The following ZNF516 variants were observed in gnomAD, a reference collection of about 807,000 sequenced individuals.
ZNF516 encodes the protein zinc finger protein 516.
A neutral mutation model predicts 79.7 loss-of-function variants in ZNF516; 19 were observed. The ratio of observed to expected loss-of-function variants is 0.24; its 90% CI spans 0.17 to 0.35. ZNF516 has a LOEUF of 0.35. Ranked by LOEUF, ZNF516 falls within the 10% of genes least tolerant of loss-of-function variation. The pLI is 1.00. For synonymous variants in ZNF516, 877 were observed against 739.5 expected, an observed-to-expected ratio of 1.19 and a Z score of -3.02; for missense variants, 1,678 against 1,679.5, an observed-to-expected ratio of 1.00 and a Z score of 0.02.
intron 3 of ZNF516, 27 bp from the exon 4 acceptor site, chr18:76,380,330 A>C: frequency 6.2e-7 from 1 of 1,603,990 alleles, no homozygotes; most frequent in East Asian, 2.2e-5. Flanking sequence ...ATGAAACGGG[A>C]AGTTACCATT....
At chr18:76,404,786 T>A (rs1405991442) in intron 3 of ZNF516, among the ~76,000 whole-genome samples, 1 of 152,150 alleles carries the variant, frequency 6.6e-6, no homozygotes, top group African/African-American at 2.4e-5. Context: ...AGTACATGTG[T>A]GAGCATATGT....
At position 76,470,910 on chromosome 18, in the gene ZNF516, G is replaced by A. The variant is rs555711944; in HGVS notation, c.-271-7769C>T. Among the ~76,000 whole-genome samples, 6 of 152,212 alleles carry A rather than the reference G, an allele frequency of 3.9e-5. 1 individual carries two copies. In the East Asian group the frequency reaches 7.7e-4, roughly 20 times the overall value. On this transcript the variant is annotated intron_variant, in intron 1 of 6. Coordinates refer to ENST00000443185, the MANE Select transcript of ZNF516 (RefSeq NM_014643.4). ...CAGGCGCCCGTAGTCCCAGCTACTCGGGAGCCTGAGAAAAAGAAAAAAGAA... is the reference window on the plus strand; with the variant it reads ...CAGGCGCCCGTAGTCCCAGCTACTCAGGAGCCTGAGAAAAAGAAAAAAGAA...
At chr18:76,462,759 T>A (rs1340501915) in intron 2 of ZNF516, among the ~76,000 whole-genome samples, 3 of 152,204 alleles carry the variant, frequency 2.0e-5, no homozygotes, top group African/African-American at 7.2e-5. Context: ...ACGATCAGCT[T>A]ACACTGGCTG....
chr18:76,415,505 G>A (rs2075422205), intron 3 of ZNF516, among the ~76,000 whole-genome samples: 1 of 152,196 alleles, frequency 6.6e-6, no homozygotes, highest in Non-Finnish European at 1.5e-5. Flanking sequence ...TCAAGGGGGT[G>A]CAAAGAGGGC....
At chr18:76,455,112 C>G (rs983743623) in intron 2 of ZNF516, among the ~76,000 whole-genome samples, 4 of 152,030 alleles carry the variant, frequency 2.6e-5, no homozygotes, top group Non-Finnish European at 5.9e-5. Context: ...GAAAGCTGTC[C>G]TAAGTCAAAC....
At position 76,379,107 on chromosome 18, in the gene ZNF516, G is replaced by T; in HGVS notation, c.3007C>A (p.Pro1003Thr). Residue 1003 changes from proline to threonine, a missense_variant, in exon 4 of 7, where the codon CCC becomes ACC. This residue lies in a region of ZNF516 where 1,294 missense variants were observed against 1,248.3 expected (regional missense o/e 1.04). Coordinates refer to ENST00000443185, the MANE Select transcript of ZNF516 (RefSeq NM_014643.4). ...CTCAGCTCCTGGGCTGCCTTCGAGG[G>T]GGGCTCGCGGGGAGGTAGAGGAGGA... ...GAPPLPPREP[P>T]SKAAQELRTL... 1.2e-6 allele frequency: 2 copies of T among 1,611,772 alleles called. No individual in the cohort carries two copies. Among genetic ancestry groups the T allele is most frequent in the Non-Finnish European group, 1.7e-6 (2 of 1,179,670 alleles).
At chr18:76,483,710 T>A (rs1261962592) in intron 1 of ZNF516, among the ~76,000 whole-genome samples, 2 of 152,198 alleles carry the variant, frequency 1.3e-5, no homozygotes. Context: ...ATATCCCACG[T>A]TGGTCACTTA....
intron 1 of ZNF516, among the ~76,000 whole-genome samples, chr18:76,479,070 T>C (rs1914343717): frequency 6.6e-6 from 1 of 150,920 alleles, no homozygotes; most frequent in Non-Finnish European, 1.5e-5. Context: ...AAAAAAAAGA[T>C]CCACTGGGGA....
At chr18:76,370,685 C>A in intron 5 of ZNF516, 90 bp from the exon 6 acceptor site, 1 of 1,082,018 alleles carries the variant, frequency 9.2e-7, no homozygotes, top group Admixed American at 3.5e-5. Flanking sequence ...AGTACTTCCA[C>A]AAAAAAAGAC....
In ZNF516 at chr18:76,366,586, C is replaced by T. The variant is rs553793102; in HGVS notation, c.3432+3942G>A. Among the ~76,000 whole-genome samples the T allele has an allele frequency of 2.6e-5, 4 of 152,352 alleles. No homozygotes were observed. The East Asian group carries it at 5.8e-4, about 22-fold the overall frequency. On this transcript the variant is annotated intron_variant, in intron 6 of 6. Coordinates refer to ENST00000443185, the MANE Select transcript of ZNF516 (RefSeq NM_014643.4). ...GCCATCAAACTGAGTTCATAAGCAA[C>T]ATCTACCAACTGGCTTATCAATGAC...
intron 1 of ZNF516, among the ~76,000 whole-genome samples, chr18:76,465,528 C>T (rs1450961326): frequency 6.6e-6 from 1 of 152,194 alleles, no homozygotes; most frequent in African/African-American, 2.4e-5. Flanking sequence ...AGGGAAGAAA[C>T]TTTATACCTT....
chr18:76,446,079 C>T (rs1912031753), intron 2 of ZNF516, among the ~76,000 whole-genome samples: 1 of 141,898 alleles, frequency 7.0e-6, no homozygotes, highest in Non-Finnish European at 1.6e-5. Flanking sequence ...GGTCCCAGCC[C>T]TCATGCTCCC....
At chr18:76,487,319 T>C (rs1385894109) in intron 1 of ZNF516, among the ~76,000 whole-genome samples, 2 of 152,200 alleles carry the variant, frequency 1.3e-5, no homozygotes, top group African/African-American at 4.8e-5. Context: ...AAACAGACAG[T>C]TGCAACTGCT....
At chr18:76,474,487 C>A (rs1401837207) in intron 1 of ZNF516, among the ~76,000 whole-genome samples, 1 of 152,116 alleles carries the variant, frequency 6.6e-6, no homozygotes, top group Non-Finnish European at 1.5e-5. Flanking sequence ...GTAACAACTC[C>A]TGAAACAAAG....
intron 2 of ZNF516, among the ~76,000 whole-genome samples, chr18:76,460,880 G>T (rs554212508): frequency 6.2e-4 from 95 of 152,314 alleles, no homozygotes; most frequent in African/African-American, 2.2e-3. Flanking sequence ...AGTAATAGAA[G>T]GGCCTTTTTA....
intron 2 of ZNF516, among the ~76,000 whole-genome samples, chr18:76,444,022 C>T (rs900295375): frequency 1.3e-5 from 2 of 152,196 alleles, no homozygotes; most frequent in South Asian, 2.1e-4. Flanking sequence ...GTGTCCAGCA[C>T]GGAACAGGCC....
In ZNF516 at chr18:76,410,776, T is replaced by C. The variant is rs536233448; in HGVS notation, c.1810+30469A>G. Among the ~76,000 whole-genome samples, 70 of 152,288 alleles carry C rather than the reference T, an allele frequency of 4.6e-4. 2 individuals are homozygous for C. Among genetic ancestry groups the C allele is most frequent in the African/African-American group, 1.6e-3 (65 of 41,556 alleles). On this transcript the variant is annotated intron_variant, in intron 3 of 6. Coordinates refer to ENST00000443185, the MANE Select transcript of ZNF516 (RefSeq NM_014643.4). ...CACAGGATTCTTCCTCACCTCCTAGTGTTCACCATGCAGCCACAACACGCA... is the reference window on the plus strand; with the variant it reads ...CACAGGATTCTTCCTCACCTCCTAGCGTTCACCATGCAGCCACAACACGCA...
In ZNF516 at chr18:76,418,655, C is replaced by T. The variant is rs2145358797; in HGVS notation, c.1810+22590G>A. On this transcript the variant is annotated intron_variant, in intron 3 of 6. Transcript: ENST00000443185. ...CATTAAGAAATAGAAGATTGTGCTT[C>T]TGGGTTACCTCTAAATGTGAAAAAA... is the stretch of plus-strand genomic sequence containing the variant. Among the ~76,000 whole-genome samples, 2 of 152,216 alleles carry T rather than the reference C, an allele frequency of 1.3e-5. 1 individual carries two copies. The highest frequency in any genetic ancestry group is 4.2e-4 in the South Asian group (2 of 4,816).
chr18:76,445,111 G>A (rs1911962756), intron 2 of ZNF516, among the ~76,000 whole-genome samples: 1 of 152,070 alleles, frequency 6.6e-6, no homozygotes, highest in Non-Finnish European at 1.5e-5. Flanking sequence ...ACAACAATTA[G>A]CCAGGCATGA....
Sources: gnomAD v4.1 joint callset for allele counts (sites outside exome capture counted in the v4.1 genomes callset) on GRCh38, gnomAD v4.1.1 for gene constraint, gnomAD v4.1.1 regional missense constraint, MANE v1.5 for transcripts, NCBI Gene and HGNC (gene_info 2026-07-23, HGNC 2026-07-21) for gene names.